SAMHD1: variants seen among roughly 807,000 people sequenced by gnomAD.
SAMHD1 encodes SAM and HD domain containing deoxynucleoside triphosphate triphosphohydrolase 1, also known as deoxynucleoside triphosphate triphosphohydrolase SAMHD1.
A neutral mutation model predicts 79.6 loss-of-function variants in SAMHD1; 54 were observed. The ratio of observed to expected loss-of-function variants is 0.68; its 90% confidence interval spans 0.55 to 0.85. SAMHD1 has a LOEUF of 0.85. SAMHD1 is among the 40% of genes least tolerant of loss of function. The pLI is 0.00. For synonymous variants in SAMHD1, 260 were observed against 264.1 expected (o/e 0.98, Z 0.15); for missense variants, 663 against 782.7 (o/e 0.85, Z 1.82).
In SAMHD1 at chr20:36,905,484, A is replaced by T; in HGVS notation, c.1290T>A (p.Ile430=). The T allele has an allele frequency of 6.2e-7, 1 of 1,611,138 alleles. No homozygotes were observed. Among genetic ancestry groups the T allele is most frequent in the Non-Finnish European group, 8.5e-7 (1 of 1,177,374 alleles). ...TCAATTTGGGATCAGTAGAGTATAAAATCTCCAGAAAAATGTTATCTGCCA... is the reference window on the plus strand; with the variant it reads ...TCAATTTGGGATCAGTAGAGTATAATATCTCCAGAAAAATGTTATCTGCCA... ...TKLTDNIFLE[I]LYSTDPKLKD... The change falls in exon 12 of 16, where the codon ATT becomes ATA. Residue 430 remains isoleucine, a synonymous_variant. Transcript: ENST00000646673.
chr20:36,940,631 G>A (rs932599863), intron 3 of SAMHD1: 13 of 245,534 alleles, frequency 5.3e-5, no homozygotes, highest in Admixed American at 1.6e-4. Flanking sequence ...CCAGGGAGAC[G>A]GAGGTTGGAG....
chr20:36,932,431 G>T (rs1198234646), intron 4 of SAMHD1, among the ~76,000 whole-genome samples: 1 of 141,622 alleles, frequency 7.1e-6, no homozygotes, highest in African/African-American at 2.6e-5. Flanking sequence ...ATGAAGAGTT[G>T]TTTAATACGT....
At chr20:36,903,843 G>T in intron 13 of SAMHD1, 1 of 247,094 alleles carries the variant, frequency 4.0e-6, no homozygotes, top group Non-Finnish European at 8.0e-6. Flanking sequence ...GAGCCACCGT[G>T]CCTGGCCCCA....
rs1301393476 is a variant in SAMHD1 at position 36,898,534 on chromosome 20, A to G, written c.1514T>C (p.Met505Thr). The G allele has an allele frequency of 6.2e-7, 1 of 1,612,848 alleles. No individual in the cohort carries two copies. The highest frequency in any genetic ancestry group is 1.1e-5 in the South Asian group (1 of 91,062). ...ATTCTTTTCTTGCATTCCATAATCC[A>G]TGTTGATAACCTAAATAAAAGCAAT... Reference protein sequence around the residue: ...AEDFIVDVINMDYGMQEKNPI... With the variant: ...AEDFIVDVINTDYGMQEKNPI... The change falls in exon 14 of 16, where the codon ATG (methionine) becomes ACG (threonine). Residue 505 changes from methionine (M) to threonine (T), a missense_variant. Coordinates refer to ENST00000646673, the MANE Select transcript of SAMHD1 (RefSeq NM_015474.4).
At chr20:36,898,107 C>A in intron 14 of SAMHD1, 148 bp from the exon 15 acceptor site, 1 of 1,013,730 alleles carries the variant, frequency 9.9e-7, no homozygotes, top group Admixed American at 1.8e-5. Flanking sequence ...TCACAGCTCA[C>A]TGAAGCCTTG....
Position 36,899,744 on chromosome 20 carries a change from G to A in SAMHD1, c.1504-1200C>T, listed in dbSNP as rs76639333. Among the ~76,000 whole-genome samples the A allele has an allele frequency of 4.7e-3, 713 of 152,202 alleles. 7 individuals carry two copies. Among genetic ancestry groups the A allele is most frequent in the African/African-American group, 0.016 (671 of 41,532 alleles). ...TGGATTTAGCAACTCTGAAGTCACC[G>A]GTGATTCTGGAGAGAGTACAGTGAT... On this transcript the variant is annotated intron_variant, in intron 13 of 15. Coordinates refer to ENST00000646673, the MANE Select transcript of SAMHD1 (RefSeq NM_015474.4).
At chr20:36,924,514 G>A (rs1333874003) in intron 6 of SAMHD1, among the ~76,000 whole-genome samples, 2 of 152,148 alleles carry the variant, frequency 1.3e-5, no homozygotes, top group Non-Finnish European at 2.9e-5. Context: ...AATGTTCACT[G>A]GCTTACAGAA....
At chr20:36,921,273 G>A (rs2063501917) in intron 6 of SAMHD1, among the ~76,000 whole-genome samples, 1 of 150,368 alleles carries the variant, frequency 6.7e-6, no homozygotes, top group Admixed American at 6.7e-5. Flanking sequence ...TGCACCTGTA[G>A]TCCCAGCTAC....
chr20:36,925,613 A>G (rs548065765), intron 6 of SAMHD1, among the ~76,000 whole-genome samples: 27 of 152,246 alleles, frequency 1.8e-4, no homozygotes, highest in Non-Finnish European at 3.2e-4. Context: ...ACCTAACCAT[A>G]TATATACATA....
chr20:36,900,762 C>CG (rs1990290258), intron 13 of SAMHD1, among the ~76,000 whole-genome samples: 1 of 149,538 alleles, frequency 6.7e-6, no homozygotes. Flanking sequence ...TTAGTAGAGA[C>CG]AGGGTTTCAC....
intron 4 of SAMHD1, among the ~76,000 whole-genome samples, chr20:36,931,406 C>T (rs73620242): frequency 5.3e-5 from 8 of 152,124 alleles, no homozygotes; most frequent in South Asian, 4.2e-4. Flanking sequence ...GAGGCTGAGG[C>T]GGGCAGATCA....
chr20:36,894,493 G>T (rs543887331), intron 15 of SAMHD1, among the ~76,000 whole-genome samples: 2 of 150,126 alleles, frequency 1.3e-5, no homozygotes, highest in Non-Finnish European at 3.0e-5. Context: ...TAGGCCAGGC[G>T]TGGTGGTTCA....
rs1376479910 is a variant in SAMHD1 at position 36,951,294 on chromosome 20, C to A, written c.208+142G>T. 4 of 1,193,546 alleles carry A rather than the reference C, an allele frequency of 3.4e-6. No individual in the cohort carries two copies. In the African/African-American group the frequency reaches 6.1e-5, roughly 18 times the overall value. 73.9% of individuals were successfully genotyped at this position (1,193,546 alleles called of 1,614,324 possible). A position where few individuals can be genotyped will look rare whatever the true frequency, so the allele number is the denominator to read the frequency against. Reference sequence around the variant, plus strand: ...GTCTTCCTTTCCTCGGCGCCCCCAGCGCAGGTCCGCCCTCCCGGGTGCCTC... The same window carrying A: ...GTCTTCCTTTCCTCGGCGCCCCCAGAGCAGGTCCGCCCTCCCGGGTGCCTC... On this transcript the variant is annotated intron_variant, in intron 1 of 15. Transcript: ENST00000646673.
chr20:36,946,561 G>C (rs1045614225), intron 2 of SAMHD1, 177 bp downstream of exon 2: 2 of 574,930 alleles, frequency 3.5e-6, no homozygotes, highest in African/African-American at 1.9e-5. Flanking sequence ...GGGTGAACAA[G>C]AGACTATCTC....
chr20:36,897,541 G>A, intron 15 of SAMHD1: 2 of 470,272 alleles, frequency 4.3e-6, no homozygotes, highest in Non-Finnish European at 7.8e-6. Context: ...ACCTTCCAGG[G>A]CCACTGGTGA....
rs988628308 is a variant in SAMHD1 at position 36,897,579 on chromosome 20, T to A, written c.1746+243A>T. On this transcript the variant is annotated intron_variant, in intron 15 of 15. Transcript: ENST00000646673. ...AACATTAGAAAGCATTATTTACATG[T>A]TCACATTTTTATTATTAGGACAATA... is the stretch of plus-strand genomic sequence containing the variant. 3 of 557,836 alleles carry A rather than the reference T, an allele frequency of 5.4e-6. No homozygotes were observed. In the African/African-American group the frequency reaches 5.7e-5, roughly 11 times the overall value. The allele number at this position is 557,836 out of a possible 1,614,324, so 34.6% of individuals were successfully genotyped here.
chr20:36,934,847 G>A, intron 4 of SAMHD1, 182 bp downstream of exon 4: 2 of 562,250 alleles, frequency 3.6e-6, no homozygotes, highest in Non-Finnish European at 6.5e-6. Context: ...TAGTAAAGAT[G>A]GGGTTTCACA....
intron 9 of SAMHD1, among the ~76,000 whole-genome samples, chr20:36,912,888 TG>T (rs1417034014): frequency 3.9e-5 from 5 of 128,516 alleles, no homozygotes; most frequent in South Asian, 2.7e-4. Flanking sequence ...TTTCATTCTT[TG>T]TTTTTTTTTT....
intron 5 of SAMHD1, among the ~76,000 whole-genome samples, chr20:36,929,071 AG>A (rs1485544758): frequency 6.6e-6 from 1 of 151,606 alleles, no homozygotes; most frequent in Non-Finnish European, 1.5e-5. Flanking sequence ...AAAAAAAAAA[AG>A]AAGTGAGCCA....
Sources: gnomAD v4.1 joint callset for allele counts (sites outside exome capture counted in the v4.1 genomes callset) on GRCh38, gnomAD v4.1.1 for gene constraint, MANE v1.5 for transcripts, NCBI Gene and HGNC (gene_info 2026-07-23, HGNC 2026-07-21) for gene names.